The following BCAS3 variants were observed in gnomAD, a reference collection of about 807,000 sequenced individuals.
BCAS3 encodes the protein BCAS3 microtubule associated cell migration factor.
BCAS3 carries 53 observed loss-of-function variants against 116.1 expected under a neutral mutation model. The ratio of observed to expected loss-of-function variants is 0.46; its 90% CI spans 0.37 to 0.57. The LOEUF (loss-of-function observed/expected upper bound fraction) is 0.57, where lower values mean the gene tolerates loss of function less well. BCAS3 is among the 20% of genes least tolerant of loss of function. The pLI is 0.00. For synonymous variants in BCAS3, 391 were observed against 408.2 expected (o/e 0.96, Z 0.51); for missense variants, 917 against 1,165.4 (o/e 0.79, Z 3.10).
At chr17:61,371,820 C>T (rs1268972148) in intron 23 of BCAS3, among the ~76,000 whole-genome samples, 4 of 152,218 alleles carry the variant, frequency 2.6e-5, no homozygotes, top group Admixed American at 2.0e-4. Flanking sequence ...CCTGCTCAGC[C>T]GAGGTCTGCA....
chr17:61,382,445 A>G (rs1416891510), intron 23 of BCAS3, among the ~76,000 whole-genome samples: 1 of 151,220 alleles, frequency 6.6e-6, no homozygotes, highest in South Asian at 2.1e-4. Flanking sequence ...CATTTTTAGT[A>G]GAGATGGGGT....
At chr17:61,284,930 C>T (rs1355778097) in intron 22 of BCAS3, among the ~76,000 whole-genome samples, 1 of 152,162 alleles carries the variant, frequency 6.6e-6, no homozygotes, top group African/African-American at 2.4e-5. Flanking sequence ...TAGCTAGTGC[C>T]TGTTGTTGAA....
Position 61,027,359 on chromosome 17 carries a change from A to G in BCAS3, c.1638-7307A>G, listed in dbSNP as rs779988872. On this transcript the variant is annotated intron_variant, in intron 16 of 23. Coordinates refer to ENST00000407086, the MANE Select transcript of BCAS3 (RefSeq NM_017679.5). ...TTTGTTGCATTTTATTTGGTCCTAA[A>G]GAGACAAAAGTTCTGTTTTTGAATA... 7.9e-5 allele frequency: 36 copies of G among 455,610 alleles called. 1 individual carries two copies. The highest frequency in any genetic ancestry group is 5.6e-4 in the South Asian group (35 of 62,244). 28.2% of individuals were successfully genotyped at this position (455,610 alleles called of 1,614,324 possible). A position where few individuals can be genotyped will look rare whatever the true frequency, so the allele number is the denominator to read the frequency against.
At position 61,170,596 on chromosome 17, in the gene BCAS3, C is replaced by T. The variant is rs149185879; in HGVS notation, c.2425+86032C>T. ...CGTGAGCCACCGCGCCTGGCCGATA[C>T]GATGTAATGGTTTTCAAGGTATTGG... On this transcript the variant is annotated intron_variant, in intron 22 of 23. Transcript: ENST00000407086. Among the ~76,000 whole-genome samples, 648 of 152,082 alleles carry T rather than the reference C, an allele frequency of 4.3e-3. 6 individuals carry two copies. The highest frequency in any genetic ancestry group is 0.015 in the African/African-American group (613 of 41,482).
At chr17:61,146,656 G>A (rs1405518654) in intron 22 of BCAS3, among the ~76,000 whole-genome samples, 1 of 152,126 alleles carries the variant, frequency 6.6e-6, no homozygotes, top group Non-Finnish European at 1.5e-5. Flanking sequence ...TCTAGGCTTT[G>A]CTGGTCCACT....
At chr17:60,886,758 G>T (rs1344972724) in intron 9 of BCAS3, among the ~76,000 whole-genome samples, 1 of 152,140 alleles carries the variant, frequency 6.6e-6, no homozygotes, top group East Asian at 1.9e-4. Flanking sequence ...AGGCTGCTCG[G>T]GGGTCAGGAG....
intron 22 of BCAS3, among the ~76,000 whole-genome samples, chr17:61,298,780 A>G (rs536121716): frequency 6.7e-6 from 1 of 150,280 alleles, no homozygotes; most frequent in East Asian, 1.9e-4. Flanking sequence ...AGTTCAAAGT[A>G]GTCACATGCC....
intron 7 of BCAS3, among the ~76,000 whole-genome samples, chr17:60,866,151 GAC>G: frequency 6.7e-6 from 1 of 148,424 alleles, no homozygotes; most frequent in Non-Finnish European, 1.5e-5. Flanking sequence ...TTTTTTTTGA[GAC>G]AGAGTTTCAC....
In BCAS3 at chr17:61,180,575, A is replaced by C. The variant is rs942018889; in HGVS notation, c.2425+96011A>C. Among the ~76,000 whole-genome samples, 3 of 152,264 alleles carry C rather than the reference A, an allele frequency of 2.0e-5. No homozygotes were observed. Among genetic ancestry groups the C allele is most frequent in the African/African-American group, 7.2e-5 (3 of 41,478 alleles). On this transcript the variant is annotated intron_variant, in intron 22 of 23. Transcript: ENST00000407086. The surrounding 1 kb of genome is among the most constrained non-coding windows in gnomAD (Gnocchi z 6.0). The stretch of plus-strand genomic sequence containing the variant: ...GTCACCTGAAGGACAGGTTCCCTAC[A>C]AATATGAGGAAACAACTCAGAGGAC...
Position 61,126,282 on chromosome 17 carries a change from G to C in BCAS3, c.2425+41718G>C, listed in dbSNP as rs1387026771. Among the ~76,000 whole-genome samples, 1 of 152,008 alleles carries C rather than the reference G, an allele frequency of 6.6e-6. No homozygotes were observed. Among genetic ancestry groups the C allele is most frequent in the East Asian group, 1.9e-4 (1 of 5,194 alleles). ...CATCAGAAGTATATTTGCAAATTCT[G>C]AATTTACATATCACCTTGAGAAAAT... On this transcript the variant is annotated intron_variant, in intron 22 of 23. Coordinates refer to ENST00000407086, the MANE Select transcript of BCAS3 (RefSeq NM_017679.5). The surrounding 1 kb of genome is among the most constrained non-coding windows in gnomAD (Gnocchi z 4.6).
chr17:61,197,445 A>G (rs1254267486), intron 22 of BCAS3, among the ~76,000 whole-genome samples: 1 of 152,216 alleles, frequency 6.6e-6, no homozygotes, highest in Non-Finnish European at 1.5e-5. Context: ...TTTTGCCAAC[A>G]TTGAGGCATT....
intron 13 of BCAS3, among the ~76,000 whole-genome samples, chr17:60,930,772 AAAAG>A (rs1045466904): frequency 1.3e-5 from 2 of 152,156 alleles, no homozygotes; most frequent in Non-Finnish European, 2.9e-5. Context: ...TAGTCTTTTT[AAAAG>A]AAAGACATAT....
chr17:60,947,499 A>G, intron 14 of BCAS3, 147 bp downstream of exon 14: 1 of 888,764 alleles, frequency 1.1e-6, no homozygotes, highest in Non-Finnish European at 1.6e-6. Flanking sequence ...TAAATAGGGA[A>G]AAATTCCGTT....
chr17:61,245,577 T>C lies in BCAS3; in HGVS notation c.2426-122750T>C, dbSNP rs7209312. On this transcript the variant is annotated intron_variant, in intron 22 of 23. Coordinates refer to ENST00000407086, the MANE Select transcript of BCAS3 (RefSeq NM_017679.5). ...GTATAAAACTGTTCATTTTAAAAAG[T>C]GAAAAGTTGTTTCCAAACAATGTGT... Among the ~76,000 whole-genome samples the C allele has an allele frequency of 9.4e-3, 1,437 of 152,134 alleles. 19 individuals are homozygous for C. Among genetic ancestry groups the C allele is most frequent in the African/African-American group, 0.033 (1,379 of 41,518 alleles).
rs2074134218 is a variant in BCAS3, at chr17:61,098,834, C to A, written c.2425+14270C>A. ...TTCTGTTACTGCTTGGCTTAAGATA[C>A]CCCTGGATGGGCTGGGTGTGGTGGC... On this transcript the variant is annotated intron_variant, in intron 22 of 23. Coordinates refer to ENST00000407086, the MANE Select transcript of BCAS3 (RefSeq NM_017679.5). This position sits in a 1 kb window ranked among gnomAD's most constrained non-coding sequence, Gnocchi z 4.2. Among the ~76,000 whole-genome samples the A allele has an allele frequency of 6.6e-6, 1 of 151,958 alleles. No homozygotes were observed. Among genetic ancestry groups the A allele is most frequent in the Admixed American group, 6.6e-5 (1 of 15,228 alleles).
Position 61,281,755 on chromosome 17 carries a change from T to C in BCAS3, c.2426-86572T>C, listed in dbSNP as rs750755982. 3.2e-4 allele frequency among the ~76,000 whole-genome samples: 49 copies of C among 152,120 alleles called. No homozygotes were observed. Among genetic ancestry groups the C allele is most frequent in the Non-Finnish European group, 6.2e-4 (42 of 68,016 alleles). On this transcript the variant is annotated intron_variant, in intron 22 of 23. Transcript: ENST00000407086. This position sits in a 1 kb window ranked among gnomAD's most constrained non-coding sequence, Gnocchi z 4.2. ...TATATTATAAATATTTTTCCAAGTTTGTCAGTATCTTTGCCATACAAATTT... is the reference window on the plus strand; with the variant it reads ...TATATTATAAATATTTTTCCAAGTTCGTCAGTATCTTTGCCATACAAATTT...
In BCAS3 at chr17:61,161,069, G is replaced by A. The variant is rs891638850; in HGVS notation, c.2425+76505G>A. ...AAGAGATCTATAGTTAAAATACTCT[G>A]CAGATGATGAAGGATAGCATGTCTG... On this transcript the variant is annotated intron_variant, in intron 22 of 23. Transcript: ENST00000407086. This position sits in a 1 kb window ranked among gnomAD's most constrained non-coding sequence, Gnocchi z 4.8. 1.3e-5 allele frequency among the ~76,000 whole-genome samples: 2 copies of A among 152,124 alleles called. No homozygotes were observed. Among genetic ancestry groups the A allele is most frequent in the Admixed American group, 1.3e-4 (2 of 15,270 alleles).
chr17:61,382,364 G>A (rs149735222), intron 23 of BCAS3, among the ~76,000 whole-genome samples: 4,074 of 151,332 alleles, frequency 0.027, 74 homozygotes, highest in South Asian at 0.079. Context: ...AGGTTCAAGG[G>A]ATTCTCCTGC....
At position 61,370,691 on chromosome 17, in the gene BCAS3, A is replaced by C. The variant is rs113704187; in HGVS notation, c.2593+2197A>C. Among the ~76,000 whole-genome samples the C allele has an allele frequency of 4.8e-3, 729 of 152,302 alleles. 5 individuals carry two copies. The highest frequency in any genetic ancestry group is 0.017 in the African/African-American group (702 of 41,576). On this transcript the variant is annotated intron_variant, in intron 23 of 23. Coordinates refer to ENST00000407086, the MANE Select transcript of BCAS3 (RefSeq NM_017679.5). Reference sequence around the variant, plus strand: ...CGTGAGCCACCATGCCCAGCCTAAAACTACTCCCATTTTAAAGGCCAGTAA... The same window carrying C: ...CGTGAGCCACCATGCCCAGCCTAAACCTACTCCCATTTTAAAGGCCAGTAA...
Sources: allele counts gnomAD v4.1 joint callset (sites outside exome capture counted in the v4.1 genomes callset), GRCh38; gene constraint gnomAD v4.1.1; non-coding constraint Gnocchi (gnomAD v3.1); transcripts MANE v1.5; gene names NCBI Gene and HGNC (gene_info 2026-07-23, HGNC 2026-07-21).